Variants in ANKRD44 observed in about 807,000 individuals in gnomAD.
ANKRD44 encodes ankyrin repeat domain 44.
Under a neutral mutation model 116.0 loss-of-function variants are expected in ANKRD44, and 35 were observed. The observed-to-expected ratio is 0.30, with a 90% confidence interval of 0.23 to 0.40. ANKRD44 has a LOEUF of 0.40. Ranked by LOEUF, ANKRD44 falls within the 10% of genes least tolerant of loss-of-function variation. ANKRD44 has a pLI of 1.00. For missense variants in ANKRD44, 1,014 were observed against 1,242.6 expected, an observed-to-expected ratio of 0.82 and a Z score of 2.77; for synonymous variants, 435 against 461.8, an observed-to-expected ratio of 0.94 and a Z score of 0.74.
intron 2 of ANKRD44, among the ~76,000 whole-genome samples, chr2:197,186,612 CT>C (rs149107038): frequency 6.3e-4 from 32 of 50,804 alleles, no homozygotes; most frequent in South Asian, 3.2e-3. Context: ...GCTAATTTTT[CT>C]TTTTTTTTTT....
At chr2:197,230,983 G>GA (rs1259179253) in intron 1 of ANKRD44, among the ~76,000 whole-genome samples, 1 of 152,142 alleles carries the variant, frequency 6.6e-6, no homozygotes, top group Non-Finnish European at 1.5e-5. Flanking sequence ...AAGAATGGCT[G>GA]AAAAATGGGC....
rs187375730 is a variant in ANKRD44 at position 197,179,169 on chromosome 2, T to C, written c.111+7854A>G. Among the ~76,000 whole-genome samples the C allele has an allele frequency of 1.4e-4, 22 of 152,374 alleles. No homozygotes were observed. In the East Asian group the frequency reaches 3.9e-3, roughly 27 times the overall value. ...TCTGTTCTACTACTTTGTCTATTCC[T>C]GTGCCATTAACATACTGTTTTGATT... On this transcript the variant is annotated intron_variant, in intron 2 of 27. Coordinates refer to ENST00000282272, the MANE Select transcript of ANKRD44 (RefSeq NM_001195144.2).
chr2:196,998,356 A>G lies in ANKRD44; in HGVS notation c.2729T>C (p.Leu910Ser). 6.2e-7 allele frequency: 1 copy of G among 1,613,208 alleles called. No individual in the cohort carries two copies. The highest frequency in any genetic ancestry group is 8.5e-7 in the Non-Finnish European group (1 of 1,179,322). Residue 910 changes from leucine to serine, a missense_variant, in exon 25 of 28, where the codon TTA becomes TCA. Transcript: ENST00000282272. Reference sequence around the variant, plus strand: ...ACATACTTTACTACAAGCCAAATGTAAGGGTGTATTCAAGTCCTTATCCTT... The same window carrying G: ...ACATACTTTACTACAAGCCAAATGTGAGGGTGTATTCAAGTCCTTATCCTT... ...TVKDKDLNTP[L>S]HLACSKGHEK...
chr2:197,118,163 A>G (rs910091554), intron 8 of ANKRD44, among the ~76,000 whole-genome samples: 1 of 151,996 alleles, frequency 6.6e-6, no homozygotes, highest in Non-Finnish European at 1.5e-5. Context: ...CAGTGAGCCA[A>G]GATCCCACCA....
intron 1 of ANKRD44, among the ~76,000 whole-genome samples, chr2:197,255,588 G>T (rs1356873299): frequency 6.6e-6 from 1 of 152,368 alleles, no homozygotes; most frequent in East Asian, 1.9e-4. Flanking sequence ...TCTGTAAATT[G>T]TAAGTTATGG....
At chr2:197,051,663 G>C (rs2077109909) in intron 16 of ANKRD44, among the ~76,000 whole-genome samples, 1 of 152,200 alleles carries the variant, frequency 6.6e-6, no homozygotes, top group South Asian at 2.1e-4. Flanking sequence ...CTAGCTTAGA[G>C]TCCCAGCTGT....
At chr2:197,146,624 A>AGTGTGTATATATACTCACTATACATC (rs2079511234) in intron 3 of ANKRD44, among the ~76,000 whole-genome samples, 1 of 151,924 alleles carries the variant, frequency 6.6e-6, no homozygotes, top group African/African-American at 2.4e-5. Context: ...ATGTTTATGT[A>AGTGTGTATATATACTCACTATACATC]GTGTGTATAT....
intron 3 of ANKRD44, among the ~76,000 whole-genome samples, chr2:197,138,323 G>A (rs2079270262): frequency 1.3e-5 from 2 of 152,078 alleles, no homozygotes; most frequent in African/African-American, 4.8e-5. Context: ...AGTCAAATAG[G>A]AACTTTAAGA....
chr2:197,089,848 G>A, intron 11 of ANKRD44, 102 bp downstream of exon 11: 1 of 929,934 alleles, frequency 1.1e-6, no homozygotes, highest in Non-Finnish European at 1.7e-6. Flanking sequence ...GTCAGGTAAT[G>A]ACATGAAGCA....
At chr2:197,251,181 A>C (rs2082309045) in intron 1 of ANKRD44, among the ~76,000 whole-genome samples, 1 of 152,160 alleles carries the variant, frequency 6.6e-6, no homozygotes, top group Non-Finnish European at 1.5e-5. Flanking sequence ...ACATTTTACT[A>C]TGCTTTTTTC....
chr2:197,007,063 C>T (rs934725621), intron 20 of ANKRD44, among the ~76,000 whole-genome samples: 7 of 151,750 alleles, frequency 4.6e-5, no homozygotes, highest in African/African-American at 1.5e-4. Flanking sequence ...TGAGATTGTG[C>T]CACTACACTC....
intron 20 of ANKRD44, among the ~76,000 whole-genome samples, chr2:197,007,173 G>T (rs948395369): frequency 4.0e-5 from 6 of 151,778 alleles, no homozygotes; most frequent in African/African-American, 1.4e-4. Context: ...GGCATTATTT[G>T]TAAGGACAAA....
chr2:197,163,880 G>C (rs1009838296), intron 2 of ANKRD44, among the ~76,000 whole-genome samples: 2 of 152,128 alleles, frequency 1.3e-5, no homozygotes, highest in Admixed American at 6.5e-5. Context: ...CGCCCGCCTC[G>C]GCCCTCCAAA....
chr2:197,309,000 G>T (rs767867798), intron 1 of ANKRD44, among the ~76,000 whole-genome samples: 1 of 152,210 alleles, frequency 6.6e-6, no homozygotes, highest in Non-Finnish European at 1.5e-5. Flanking sequence ...TTTAGAAAAT[G>T]AAGGGTTTGG....
chr2:197,222,779 A>G (rs1413505245), intron 1 of ANKRD44, among the ~76,000 whole-genome samples: 3 of 151,742 alleles, frequency 2.0e-5, no homozygotes, highest in Non-Finnish European at 2.9e-5. Context: ...CAGAGTTTCA[A>G]GGTAGTTGAT....
chr2:197,261,557 TAA>T lies in ANKRD44; in HGVS notation c.27+49019_27+49020del, dbSNP rs3057784. Reference sequence around the variant, plus strand: ...GTAAAAAAGATAGACAATCTTTTCTTAAAAAAAAAAAATGTTTCTTTTCTAAT... The same window carrying T: ...GTAAAAAAGATAGACAATCTTTTCTTAAAAAAAAAATGTTTCTTTTCTAAT... On this transcript the variant is annotated intron_variant, in intron 1 of 27. Transcript: ENST00000282272. Among the ~76,000 whole-genome samples, 198 of 150,266 alleles carry T rather than the reference TAA, an allele frequency of 1.3e-3. 1 individual carries two copies. Among genetic ancestry groups the T allele is most frequent in the South Asian group, 4.0e-3 (19 of 4,784 alleles).
At chr2:197,154,880 G>A (rs1049194205) in intron 2 of ANKRD44, among the ~76,000 whole-genome samples, 34 of 152,074 alleles carry the variant, frequency 2.2e-4, no homozygotes, top group African/African-American at 8.0e-4. Context: ...CACTCTGCTG[G>A]TATTGTAACC....
intron 8 of ANKRD44, among the ~76,000 whole-genome samples, chr2:197,115,380 A>G (rs1451089281): frequency 2.0e-5 from 3 of 152,220 alleles, no homozygotes; most frequent in Non-Finnish European, 2.9e-5. Context: ...TGTTCTACCT[A>G]TTTACAAATT....
intron 21 of ANKRD44, among the ~76,000 whole-genome samples, chr2:196,981,195 A>T (rs2075799126): frequency 6.6e-6 from 1 of 152,158 alleles, no homozygotes; most frequent in Non-Finnish European, 1.5e-5. Flanking sequence ...CTTTTTCAGT[A>T]TCCATCACCT....
Sources: allele counts gnomAD v4.1 joint callset (sites outside exome capture counted in the v4.1 genomes callset), GRCh38; gene constraint gnomAD v4.1.1; transcripts MANE v1.5; gene names NCBI Gene and HGNC (gene_info 2026-07-23, HGNC 2026-07-21).